Variants in DCDC1 observed in about 807,000 individuals in gnomAD.
DCDC1 encodes the protein doublecortin domain-containing protein 1.
In DCDC1, 200 loss-of-function variants were observed where a neutral mutation model predicts 178.3. The observed-to-expected ratio is 1.12, with a 90% CI of 1.00 to 1.26. The LOEUF (loss-of-function observed/expected upper bound fraction) is 1.26. Among genes scored for constraint, DCDC1 ranks in the 50% most tolerant of loss-of-function variants. The pLI, the probability that DCDC1 is intolerant of heterozygous loss-of-function variation, is 0.00. For synonymous variants in DCDC1, 690 were observed against 604.8 expected, an observed-to-expected ratio of 1.14 and a Z score of -2.07; for missense variants, 1,983 against 1,749.2, an observed-to-expected ratio of 1.13 and a Z score of -2.38.
chr11:31,067,265 G>A (rs1045017461), intron 18 of DCDC1, among the ~76,000 whole-genome samples: 11 of 151,970 alleles, frequency 7.2e-5, no homozygotes, highest in East Asian at 5.8e-4. Flanking sequence ...CAAATAACCC[G>A]ATGAAAATAC....
chr11:31,227,119 A>T (rs1975076317), intron 9 of DCDC1, among the ~76,000 whole-genome samples: 1 of 152,192 alleles, frequency 6.6e-6, no homozygotes, highest in African/African-American at 2.4e-5. Flanking sequence ...GATATAGCTA[A>T]TAAGCTTATG....
rs771586383 is a variant in DCDC1, at chr11:31,305,810, T to C, written c.592-33A>G. 4.4e-6 allele frequency: 7 copies of C among 1,605,212 alleles called. No individual in the cohort carries two copies. The Admixed American group carries it at 1.2e-4, about 27-fold the overall frequency. On this transcript the variant is annotated intron_variant, in intron 5 of 38. Transcript: ENST00000684477. ...AAAGCAAGAGGTAAGTCAAAGTGAT[T>C]TACTACAAAGAAAGTAATATATTTC...
At chr11:31,268,879 G>C in intron 7 of DCDC1, among the ~76,000 whole-genome samples, 2 of 152,078 alleles carry the variant, frequency 1.3e-5, no homozygotes, top group East Asian at 3.9e-4. Flanking sequence ...GCCAATATCT[G>C]TTGTCTTTTT....
chr11:31,349,904 G>A (rs1207489265), intron 1 of DCDC1, among the ~76,000 whole-genome samples: 1 of 152,088 alleles, frequency 6.6e-6, no homozygotes, highest in Non-Finnish European at 1.5e-5. Flanking sequence ...TATTTACTAT[G>A]TTACTAAATA....
At chr11:31,340,752 C>A (rs894214614) in intron 1 of DCDC1, among the ~76,000 whole-genome samples, 2 of 152,150 alleles carry the variant, frequency 1.3e-5, no homozygotes, top group African/African-American at 4.8e-5. Flanking sequence ...CACCCCTTCT[C>A]TAAGTCTCTA....
intron 15 of DCDC1, among the ~76,000 whole-genome samples, chr11:31,100,899 T>C (rs776646538): frequency 2.6e-5 from 4 of 152,206 alleles, no homozygotes; most frequent in Non-Finnish European, 4.4e-5. Context: ...TAATGTCAGA[T>C]GAAGGCAAAA....
At chr11:31,005,173 ATCT>A (rs1166933750) in intron 20 of DCDC1, among the ~76,000 whole-genome samples, 1 of 152,166 alleles carries the variant, frequency 6.6e-6, no homozygotes, top group Non-Finnish European at 1.5e-5. Flanking sequence ...CTACAATGAA[ATCT>A]TCTCTGTTGC....
chr11:31,018,063 C>T (rs1952606690), intron 20 of DCDC1, among the ~76,000 whole-genome samples: 1 of 151,506 alleles, frequency 6.6e-6, no homozygotes, highest in African/African-American at 2.4e-5. Flanking sequence ...TGCCTAAAAC[C>T]AAAAACTGTC....
chr11:31,179,634 C>A (rs1243197369), intron 9 of DCDC1, among the ~76,000 whole-genome samples: 1 of 152,090 alleles, frequency 6.6e-6, no homozygotes, highest in Non-Finnish European at 1.5e-5. Flanking sequence ...AAGTTGATAT[C>A]AAAGAGAGAA....
At chr11:31,231,619 C>T (rs191920738) in intron 9 of DCDC1, among the ~76,000 whole-genome samples, 12 of 152,234 alleles carry the variant, frequency 7.9e-5, no homozygotes, top group African/African-American at 2.6e-4. Context: ...ATCTCCTGCT[C>T]TTTGTATACC....
At chr11:31,193,387 C>T (rs1357856483) in intron 9 of DCDC1, among the ~76,000 whole-genome samples, 1 of 151,924 alleles carries the variant, frequency 6.6e-6, no homozygotes, top group Admixed American at 6.6e-5. Context: ...ATGTTTTGAG[C>T]ACCAACATGA....
At chr11:31,011,637 T>C (rs1157003677) in intron 20 of DCDC1, among the ~76,000 whole-genome samples, 1 of 152,184 alleles carries the variant, frequency 6.6e-6, no homozygotes, top group East Asian at 1.9e-4. Context: ...TACGCTATAG[T>C]AGAACCACTT....
chr11:31,125,223 G>A (rs1316148531), intron 11 of DCDC1, among the ~76,000 whole-genome samples: 1 of 152,118 alleles, frequency 6.6e-6, no homozygotes, highest in African/African-American at 2.4e-5. Flanking sequence ...AAACCACAAT[G>A]AGATGCCATC....
intron 20 of DCDC1, among the ~76,000 whole-genome samples, chr11:31,063,978 G>C (rs1956111439): frequency 2.0e-5 from 3 of 152,112 alleles, no homozygotes; most frequent in Admixed American, 1.3e-4. Context: ...TAATTTTTCA[G>C]TTGGTTAGCA....
chr11:31,020,066 C>T (rs916890293), intron 20 of DCDC1, among the ~76,000 whole-genome samples: 4 of 152,142 alleles, frequency 2.6e-5, no homozygotes, highest in Admixed American at 1.3e-4. Flanking sequence ...CCAACTACAA[C>T]GCAAATTATG....
At chr11:30,930,561 G>C (rs763937485) in intron 22 of DCDC1, among the ~76,000 whole-genome samples, 19 of 152,040 alleles carry the variant, frequency 1.2e-4, no homozygotes, top group Middle Eastern at 3.2e-3. Context: ...CATAGCATAT[G>C]GGCAGCACAG....
chr11:31,153,785 A>AACACACACACACAC (rs141063677), intron 9 of DCDC1, among the ~76,000 whole-genome samples: 4,716 of 132,568 alleles, frequency 0.036, 203 homozygotes, highest in African/African-American at 0.091. Flanking sequence ...TCAGTCTTAA[A>AACACACACACACAC]ACACACACAC....
chr11:30,906,279 A>T, intron 30 of DCDC1: 1 of 361,076 alleles, frequency 2.8e-6, no homozygotes, highest in Non-Finnish European at 5.0e-6. Context: ...AACACTGAGA[A>T]CAGTGAAATA....
chr11:31,137,590 T>G, intron 10 of DCDC1, 102 bp downstream of exon 10: 1 of 587,878 alleles, frequency 1.7e-6, no homozygotes, highest in Non-Finnish European at 3.1e-6. Context: ...CCTTGTGATC[T>G]TCCCGCCTCG....
Sources: gnomAD v4.1 joint callset for allele counts (sites outside exome capture counted in the v4.1 genomes callset) on GRCh38, gnomAD v4.1.1 for gene constraint, MANE v1.5 for transcripts, NCBI Gene and HGNC (gene_info 2026-07-23, HGNC 2026-07-21) for gene names.